Variants in SH2D3C observed in about 807,000 individuals in gnomAD.
The protein encoded by SH2D3C is SH2 domain containing 3C, also known as SH2 domain-containing protein 3C.
Under a neutral mutation model 75.2 loss-of-function variants are expected in SH2D3C, and 25 were observed. The ratio of observed to expected loss-of-function variants is 0.33; its 90% CI spans 0.24 to 0.46. SH2D3C has a LOEUF of 0.46. SH2D3C is among the 20% of genes least tolerant of loss of function. The pLI, the probability that SH2D3C is intolerant of heterozygous loss-of-function variation, is 1.00. For missense variants in SH2D3C, 933 were observed against 1,165.3 expected, an observed-to-expected ratio of 0.80 and a Z score of 2.90; for synonymous variants, 450 against 473.7, an observed-to-expected ratio of 0.95 and a Z score of 0.65.
Position 127,739,691 on chromosome 9 carries a change from T to G in SH2D3C, c.2398A>C (p.Lys800Gln). The change falls in exon 11 of 12, where the codon AAG becomes CAG. Residue 800 changes from lysine to glutamine, a missense_variant. Transcript: ENST00000314830. This position sits in a 1 kb window ranked among gnomAD's most constrained non-coding sequence, Gnocchi z 4.3. The stretch of plus-strand genomic sequence containing the variant: ...GCCACCCGCCACTCACCCTGCAGCT[T>G]GACTTCAGCATTGGTGTGGTACAGG... ...GGLYHTNAEVKLQGFQARPEL... is the reference protein window; with the variant it reads ...GGLYHTNAEVQLQGFQARPEL... 6.2e-7 allele frequency: 1 copy of G among 1,603,258 alleles called. No individual in the cohort carries two copies. The highest frequency in any genetic ancestry group is 8.5e-7 in the Non-Finnish European group (1 of 1,173,656).
rs1845135427 is a variant in SH2D3C at position 127,749,572 on chromosome 9, T to G, written c.778A>C (p.Asn260His). The G allele has an allele frequency of 1.2e-6, 2 of 1,611,352 alleles. No homozygotes were observed. Among genetic ancestry groups the G allele is most frequent in the Non-Finnish European group, 1.7e-6 (2 of 1,178,774 alleles). Reference protein sequence around the residue: ...GDYVLTCRWRNQALHFKINKV... With the variant: ...GDYVLTCRWRHQALHFKINKV... ...TTGATCTTGAAGTGCAAGGCCTGGT[T>G]GCGCCAGCGGCACGTGAGCACATAG... The change falls in exon 5 of 12, where the codon AAC (asparagine) becomes CAC (histidine). Residue 260 changes from asparagine to histidine, a missense_variant. Transcript: ENST00000314830. The surrounding 1 kb of genome is among the most constrained non-coding windows in gnomAD (Gnocchi z 5.9).
At chr9:127,761,098 C>T (rs1406627441) in intron 3 of SH2D3C, among the ~76,000 whole-genome samples, 1 of 152,198 alleles carries the variant, frequency 6.6e-6, no homozygotes, top group African/African-American at 2.4e-5. Context: ...GCCTTGGCAT[C>T]CCAAAGTGCT....
intron 2 of SH2D3C, among the ~76,000 whole-genome samples, chr9:127,763,593 T>C (rs1008044025): frequency 3.9e-5 from 6 of 152,190 alleles, no homozygotes; most frequent in African/African-American, 1.4e-4. Flanking sequence ...ATCGCTGTCA[T>C]CATTAATTTT....
chr9:127,757,627 G>T (rs370302689), intron 3 of SH2D3C, among the ~76,000 whole-genome samples: 1,085 of 106,702 alleles, frequency 0.01, 16 homozygotes, highest in African/African-American at 0.034. Flanking sequence ...TGATGATGAT[G>T]ATGATGATGA....
intron 6 of SH2D3C, 51 bp downstream of exon 6, chr9:127,747,096 T>A (rs767632612): frequency 6.3e-7 from 1 of 1,588,456 alleles, no homozygotes; most frequent in Admixed American, 1.8e-5. Context: ...GTGACAGAAG[T>A]CTTCAACAAC....
rs1564419749 is a variant in SH2D3C, at chr9:127,757,626, TGATG to T, written c.555+3981_555+3984del. Among the ~76,000 whole-genome samples, 472 of 125,544 alleles carry T rather than the reference TGATG, an allele frequency of 3.8e-3. 1 individual carries two copies. The highest frequency in any genetic ancestry group is 0.017 in the East Asian group (77 of 4,402). 82.4% of individuals were successfully genotyped at this position (125,544 alleles called of 152,430 possible). On this transcript the variant is annotated intron_variant, in intron 3 of 11. Coordinates refer to ENST00000314830, the MANE Select transcript of SH2D3C (RefSeq NM_170600.3). ...CAGATGATGATGATGATGATGATGA[TGATG>T]ATGATGATGATGATGATTATTATTA... is the stretch of plus-strand genomic sequence containing the variant.
chr9:127,744,846 T>C lies in SH2D3C; in HGVS notation c.1518A>G (p.Arg506=), dbSNP rs2233512. The change falls in exon 7 of 12, where the codon CGA becomes CGG. Residue 506 remains arginine, a synonymous_variant. Coordinates refer to ENST00000314830, the MANE Select transcript of SH2D3C (RefSeq NM_170600.3). ...CQLQPPVRGS[R]EWAATETSSQ... ...TGGAGGTCTCAGTCGCTGCCCACTC[T>C]CGGCTGCCACGCACGGGAGGCTGGA... is the stretch of plus-strand genomic sequence containing the variant. 0.016 allele frequency: 25,481 copies of C among 1,614,082 alleles called. 236 individuals are homozygous for C. The highest frequency in any genetic ancestry group is 0.019 in the Non-Finnish European group (22,704 of 1,180,010).
intron 3 of SH2D3C, among the ~76,000 whole-genome samples, chr9:127,757,205 G>A (rs1257212791): frequency 1.3e-5 from 2 of 150,634 alleles, no homozygotes; most frequent in African/African-American, 4.9e-5. Flanking sequence ...ACACGCATAA[G>A]CCACCGTGCC....
intron 2 of SH2D3C, among the ~76,000 whole-genome samples, chr9:127,771,604 C>CCCTCAACTCCG (rs1330605461): frequency 6.6e-6 from 1 of 152,196 alleles, no homozygotes; most frequent in Non-Finnish European, 1.5e-5. Flanking sequence ...CCTAGACACG[C>CCCTCAACTCCG]CCTCAACTCC....
In SH2D3C at chr9:127,744,737, T is replaced by C; in HGVS notation, c.1627A>G (p.Thr543Ala). ...APEGDWGKTFTVPIVEVTSSF... is the reference protein window; with the variant it reads ...APEGDWGKTFAVPIVEVTSSF... ...GAAGTGACTTCCACGATGGGGACTG[T>C]GAAGGTCTTGCCCCAGTCCCCTTCA... The change falls in exon 7 of 12, where the codon ACA becomes GCA. Residue 543 changes from threonine (T) to alanine (A), a missense_variant. Transcript: ENST00000314830. The C allele has an allele frequency of 6.2e-7, 1 of 1,614,188 alleles. No homozygotes were observed. The highest frequency in any genetic ancestry group is 8.5e-7 in the Non-Finnish European group (1 of 1,180,034).
At chr9:127,769,548 C>G (rs1436423390) in intron 2 of SH2D3C, among the ~76,000 whole-genome samples, 2 of 150,860 alleles carry the variant, frequency 1.3e-5, no homozygotes, top group Non-Finnish European at 2.9e-5. Flanking sequence ...CCCAGCTACT[C>G]GGGAGGCTGA....
At chr9:127,771,227 C>A in intron 2 of SH2D3C, 1 of 1,545,910 alleles carries the variant, frequency 6.5e-7, no homozygotes, top group South Asian at 1.2e-5. Flanking sequence ...CCACAGCAGT[C>A]ATGCTTCCCC....
At chr9:127,743,782 T>C (rs1844936328) in intron 7 of SH2D3C, among the ~76,000 whole-genome samples, 1 of 152,144 alleles carries the variant, frequency 6.6e-6, no homozygotes, top group Non-Finnish European at 1.5e-5. Context: ...CAGAGAGAAC[T>C]GGGGTCTTTA....
chr9:127,745,133 G>A (rs763919760), intron 6 of SH2D3C, 34 bp from the exon 7 acceptor site: 3 of 1,460,108 alleles, frequency 2.1e-6, no homozygotes, highest in Non-Finnish European at 2.7e-6. Context: ...CCCCGTTATA[G>A]CAGCTCCCCA....
In SH2D3C at chr9:127,741,919, C is replaced by G; in HGVS notation, c.1957G>C (p.Gly653Arg). 6.2e-7 allele frequency: 1 copy of G among 1,612,860 alleles called. No homozygotes were observed. Among genetic ancestry groups the G allele is most frequent in the Non-Finnish European group, 8.5e-7 (1 of 1,179,908 alleles). The stretch of plus-strand genomic sequence containing the variant: ...CGCTCCTCCGCAGAGCCGGTGCAGC[C>G]CAGGATGTCCACGGCCAGCATGATG... ...MSIMLAVDIL[G>R]CTGSAEERAA... Residue 653 changes from glycine (G) to arginine (R), a missense_variant, in exon 9 of 12, where the codon GGC becomes CGC. By Grantham distance (125) the Gly-to-Arg change is moderately radical. Coordinates refer to ENST00000314830, the MANE Select transcript of SH2D3C (RefSeq NM_170600.3).
Position 127,747,139 on chromosome 9 carries a change from G to A in SH2D3C, c.1264+8C>T. ...CTCCACCTGCTCCACCCCCTCTGCTGGCCATACCAGTGCTGTAGGCAGGGG... is the reference window on the plus strand; with the variant it reads ...CTCCACCTGCTCCACCCCCTCTGCTAGCCATACCAGTGCTGTAGGCAGGGG... On this transcript the variant is annotated splice_region_variant and intron_variant, in intron 6 of 11. Coordinates refer to ENST00000314830, the MANE Select transcript of SH2D3C (RefSeq NM_170600.3). 6.2e-7 allele frequency: 1 copy of A among 1,613,228 alleles called. No homozygotes were observed. Among genetic ancestry groups the A allele is most frequent in the South Asian group, 1.1e-5 (1 of 91,002 alleles).
intron 2 of SH2D3C, 114 bp downstream of exon 2, chr9:127,773,876 C>T (rs954349781): frequency 6.1e-6 from 4 of 654,366 alleles, no homozygotes; most frequent in African/African-American, 5.5e-5. Context: ...CGGGATCACA[C>T]CACTGCACTC....
chr9:127,747,697 CGT>C (rs777878804), intron 5 of SH2D3C, among the ~76,000 whole-genome samples: 12 of 152,032 alleles, frequency 7.9e-5, no homozygotes, highest in Non-Finnish European at 1.3e-4. Context: ...CGTTACCAAG[CGT>C]GGCTAATTTT....
chr9:127,739,993 C>T lies in SH2D3C; in HGVS notation c.2201-105G>A, dbSNP rs1320209437. 1.4e-5 allele frequency: 16 copies of T among 1,113,628 alleles called. No individual in the cohort carries two copies. The highest frequency in any genetic ancestry group is 2.9e-5 in the Admixed American group (1 of 34,840). 69.0% of individuals were successfully genotyped at this position (1,113,628 alleles called of 1,614,324 possible). On this transcript the variant is annotated intron_variant, in intron 10 of 11. Coordinates refer to ENST00000314830, the MANE Select transcript of SH2D3C (RefSeq NM_170600.3). The surrounding 1 kb of genome is among the most constrained non-coding windows in gnomAD (Gnocchi z 4.3). The stretch of plus-strand genomic sequence containing the variant: ...GGAGGGAACGGGCCTGGCTGAGGTC[C>T]GGGAGAGAGCCCCAAGGGCTCCTGA...
Sources: gnomAD v4.1 joint callset for allele counts (sites outside exome capture counted in the v4.1 genomes callset) on GRCh38, gnomAD v4.1.1 for gene constraint, Gnocchi (gnomAD v3.1) non-coding constraint, MANE v1.5 for transcripts, NCBI Gene and HGNC (gene_info 2026-07-23, HGNC 2026-07-21) for gene names.